Variants in ARRB1 observed in about 807,000 individuals in gnomAD.
The protein encoded by ARRB1 is arrestin beta 1.
ARRB1 carries 21 observed loss-of-function variants against 56.8 expected under a neutral mutation model. That is an observed-to-expected ratio of 0.37 (90% CI 0.26 to 0.53). The LOEUF (loss-of-function observed/expected upper bound fraction) is 0.53. Among genes scored for constraint, ARRB1 ranks in the 20% least tolerant of loss-of-function variants. The pLI, the probability that ARRB1 is intolerant of heterozygous loss-of-function variation, is 0.88. For synonymous variants in ARRB1, 210 were observed against 218.6 expected (o/e 0.96, Z 0.35); for missense variants, 424 against 553.7 (o/e 0.77, Z 2.35).
chr11:75,329,235 G>A (rs1040552917), intron 1 of ARRB1, among the ~76,000 whole-genome samples: 3 of 151,914 alleles, frequency 2.0e-5, no homozygotes, highest in Non-Finnish European at 4.4e-5. Context: ...TGAGTAGCTG[G>A]AACTATAGGC....
chr11:75,309,949 C>T (rs568342280), intron 1 of ARRB1, among the ~76,000 whole-genome samples: 50 of 152,222 alleles, frequency 3.3e-4, no homozygotes, highest in Non-Finnish European at 6.2e-4. Context: ...CCACTTGCTC[C>T]TCAAAACAGT....
At chr11:75,310,232 T>C (rs980965743) in intron 1 of ARRB1, among the ~76,000 whole-genome samples, 1 of 152,068 alleles carries the variant, frequency 6.6e-6, no homozygotes, top group Non-Finnish European at 1.5e-5. Context: ...CTCACCTGGA[T>C]AATAGGGCAA....
At chr11:75,288,340 G>C (rs1946529465) in intron 2 of ARRB1, among the ~76,000 whole-genome samples, 1 of 152,108 alleles carries the variant, frequency 6.6e-6, no homozygotes, top group Non-Finnish European at 1.5e-5. Context: ...AGGGTTTGGG[G>C]GCTCACGCCC....
intron 1 of ARRB1, among the ~76,000 whole-genome samples, chr11:75,318,169 T>C (rs1947293299): frequency 1.6e-5 from 2 of 126,910 alleles, no homozygotes; most frequent in Non-Finnish European, 3.4e-5. Context: ...TTTTTTTTTT[T>C]TTTTTGAGAG....
In ARRB1 at chr11:75,342,688, G is replaced by A. The variant is rs116017182; in HGVS notation, c.20+8900C>T. On this transcript the variant is annotated intron_variant, in intron 1 of 15. Coordinates refer to ENST00000420843, the MANE Select transcript of ARRB1 (RefSeq NM_004041.5). Reference sequence around the variant, plus strand: ...GGGAAAGGCTCAGTACATGACTGAGGATGAGGATGAAGAATGGAGCGCGCC... The same window carrying A: ...GGGAAAGGCTCAGTACATGACTGAGAATGAGGATGAAGAATGGAGCGCGCC... 4.0e-3 allele frequency among the ~76,000 whole-genome samples: 612 copies of A among 152,202 alleles called. 15 individuals are homozygous for A. Among genetic ancestry groups the A allele is most frequent in the African/African-American group, 0.014 (572 of 41,526 alleles).
At chr11:75,284,995 G>A (rs1326911335) in intron 3 of ARRB1, among the ~76,000 whole-genome samples, 1 of 152,180 alleles carries the variant, frequency 6.6e-6, no homozygotes, top group East Asian at 1.9e-4. Context: ...TATTATTAAA[G>A]CCATTAATAC....
At chr11:75,307,137 C>A (rs1049919769) in intron 1 of ARRB1, among the ~76,000 whole-genome samples, 1 of 152,192 alleles carries the variant, frequency 6.6e-6, no homozygotes, top group Non-Finnish European at 1.5e-5. Context: ...AGTCTCCTGT[C>A]TTCCCTTCCT....
intron 14 of ARRB1, among the ~76,000 whole-genome samples, chr11:75,268,334 G>A (rs1360300295): frequency 1.3e-5 from 2 of 151,704 alleles, no homozygotes; most frequent in Admixed American, 6.6e-5. Context: ...GTGAAACCCC[G>A]TCTCTACTAA....
At chr11:75,290,416 GCCACA>G (rs1946580789) in intron 1 of ARRB1, among the ~76,000 whole-genome samples, 1 of 152,012 alleles carries the variant, frequency 6.6e-6, no homozygotes, top group African/African-American at 2.4e-5. Flanking sequence ...CCCATCTCCA[GCCACA>G]TCTACCCCCG....
chr11:75,324,092 T>G (rs1947390058), intron 1 of ARRB1, among the ~76,000 whole-genome samples: 1 of 152,176 alleles, frequency 6.6e-6, no homozygotes, highest in Admixed American at 6.6e-5. Flanking sequence ...GAAATGTTGT[T>G]TCTAAATGAT....
chr11:75,292,569 G>A (rs1255208031), intron 1 of ARRB1, among the ~76,000 whole-genome samples: 2 of 152,224 alleles, frequency 1.3e-5, no homozygotes, highest in Non-Finnish European at 2.9e-5. Context: ...AGCTGGGGCT[G>A]GACGTGCAGA....
At chr11:75,307,214 G>A (rs1354607534) in intron 1 of ARRB1, among the ~76,000 whole-genome samples, 1 of 152,140 alleles carries the variant, frequency 6.6e-6, no homozygotes, top group African/African-American at 2.4e-5. Flanking sequence ...TGTGGGACCT[G>A]AGCTCCCCAT....
chr11:75,273,529 C>T (rs1005544186), intron 11 of ARRB1, among the ~76,000 whole-genome samples: 1 of 152,178 alleles, frequency 6.6e-6, no homozygotes, highest in African/African-American at 2.4e-5. Flanking sequence ...GGAGTGGCGG[C>T]TGCTCTAGAC....
rs11236383 is a variant in ARRB1 at position 75,292,532 on chromosome 11, T to A, written c.21-2493A>T. Among the ~76,000 whole-genome samples the A allele has an allele frequency of 2.9e-3, 443 of 152,184 alleles. 2 individuals carry two copies. Among genetic ancestry groups the A allele is most frequent in the African/African-American group, 0.01 (433 of 41,532 alleles). The stretch of plus-strand genomic sequence containing the variant: ...TTGCTAAAGTGAGGAAAAATACAGA[T>A]CACAAGGTTTGAAGCAGCAGCTCCC... On this transcript the variant is annotated intron_variant, in intron 1 of 15. Transcript: ENST00000420843.
intron 1 of ARRB1, among the ~76,000 whole-genome samples, chr11:75,334,809 G>C (rs571436700): frequency 1.3e-5 from 2 of 152,244 alleles, no homozygotes; most frequent in East Asian, 3.9e-4. Context: ...TCTCTGCTGT[G>C]GGATGAGAGC....
At chr11:75,309,493 C>T (rs1947111313) in intron 1 of ARRB1, among the ~76,000 whole-genome samples, 2 of 152,206 alleles carry the variant, frequency 1.3e-5, no homozygotes, top group Non-Finnish European at 2.9e-5. Context: ...GAAATGAGGC[C>T]CTGGCACAGA....
At chr11:75,278,457 G>A (rs1320459695) in intron 8 of ARRB1, 152 bp downstream of exon 8, 2 of 1,145,074 alleles carry the variant, frequency 1.7e-6, no homozygotes, top group Non-Finnish European at 2.4e-6. Context: ...AATCCCCCAT[G>A]AGAGGTCTCA....
chr11:75,311,956 C>G (rs1197445098), intron 1 of ARRB1: 3 of 1,101,476 alleles, frequency 2.7e-6, no homozygotes, highest in Non-Finnish European at 3.6e-6. Flanking sequence ...GCAGAGGAAC[C>G]AAGCAGCAGG....
chr11:75,276,211 C>T (rs1227567066), intron 10 of ARRB1, among the ~76,000 whole-genome samples: 1 of 26,556 alleles, frequency 3.8e-5, no homozygotes, highest in Admixed American at 5.0e-4. Flanking sequence ...CTTGCAGGGC[C>T]AGGAAAAAAA....
Sources: allele counts gnomAD v4.1 joint callset (sites outside exome capture counted in the v4.1 genomes callset), GRCh38; gene constraint gnomAD v4.1.1; transcripts MANE v1.5; gene names NCBI Gene and HGNC (gene_info 2026-07-23, HGNC 2026-07-21).